STARD9: variants seen among roughly 807,000 people sequenced by gnomAD.
The protein encoded by STARD9 is StAR related lipid transfer domain containing 9, also known as stAR-related lipid transfer protein 9.
Under a neutral mutation model 399.8 loss-of-function variants are expected in STARD9, and 346 were observed. The observed-to-expected ratio is 0.87, with a 90% CI of 0.79 to 0.95. STARD9 has a LOEUF of 0.95. Ranked by LOEUF, STARD9 falls within the 40% of genes least tolerant of loss-of-function variation. The pLI, the probability that STARD9 is intolerant of heterozygous loss-of-function variation, is 0.00. For synonymous variants in STARD9, 2,203 were observed against 2,143.5 expected, an observed-to-expected ratio of 1.03 and a Z score of -0.77; for missense variants, 5,832 against 5,667.5, an observed-to-expected ratio of 1.03 and a Z score of -0.93.
At position 42,685,024 on chromosome 15, in the gene STARD9, A is replaced by T; in HGVS notation, c.3446A>T (p.Asp1149Val). Reference sequence around the variant, plus strand: ...AGTGATGACAGCCAACTATCTGAGGACTCACTGGCTGAGAAGAGGTACCAA... The same window carrying T: ...AGTGATGACAGCCAACTATCTGAGGTCTCACTGGCTGAGAAGAGGTACCAA... ...SESDDSQLSE[D>V]SLAEKRYQSP... The change falls in exon 23 of 33, where the codon GAC (aspartate) becomes GTC (valine). Residue 1149 changes from aspartate (D) to valine (V), a missense_variant. Asp to Val is a radical substitution (Grantham distance 152). Around this residue, in one of 2 missense-constraint regions of STARD9, gnomAD observed 5,828 missense variants for 5,651.1 expected, o/e 1.03. Coordinates refer to ENST00000290607, the MANE Select transcript of STARD9 (RefSeq NM_020759.3). 2.6e-6 allele frequency: 4 copies of T among 1,537,178 alleles called. No homozygotes were observed. The South Asian group carries it at 4.8e-5, about 18-fold the overall frequency.
At chr15:42,699,028 A>AC (rs979456681) in intron 26 of STARD9, among the ~76,000 whole-genome samples, 1 of 151,456 alleles carries the variant, frequency 6.6e-6, no homozygotes, top group African/African-American at 2.4e-5. Flanking sequence ...TTATTAAAAA[A>AC]AATTGTCTTA....
Position 42,684,767 on chromosome 15 carries a change from T to G in STARD9, c.3189T>G (p.Pro1063=). The G allele has an allele frequency of 3.9e-6, 6 of 1,537,256 alleles. No individual in the cohort carries two copies. The highest frequency in any genetic ancestry group is 5.2e-6 in the Non-Finnish European group (6 of 1,146,920). The change falls in exon 23 of 33, where the codon CCT becomes CCG. Residue 1063 remains proline, a synonymous_variant. Coordinates refer to ENST00000290607, the MANE Select transcript of STARD9 (RefSeq NM_020759.3). Reference sequence around the variant, plus strand: ...TTACCAAAAAGTCCTCTCACTTGCCTCTTGGCAGTCCTTTGAAGAGACAAC... The same window carrying G: ...TTACCAAAAAGTCCTCTCACTTGCCGCTTGGCAGTCCTTTGAAGAGACAAC... ...RNITKKSSHL[P]LGSPLKRQQN...
chr15:42,619,551 CAA>C (rs35639156), intron 3 of STARD9, among the ~76,000 whole-genome samples: 5 of 135,202 alleles, frequency 3.7e-5, no homozygotes, highest in African/African-American at 5.9e-5. Context: ...AAGACTGTCT[CAA>C]AAAAAAAAAA....
In STARD9 at chr15:42,575,635, T is replaced by G. The variant is rs958758274; in HGVS notation, c.-81T>G. On this transcript the variant is annotated 5_prime_UTR_variant, in exon 1 of 33. Coordinates refer to ENST00000290607, the MANE Select transcript of STARD9 (RefSeq NM_020759.3). ...GCGCGTGGGGCGGGCGGGGCTGGGT[T>G]GGGGCTGTGTCTGGGCTTAGGGCGG... The G allele has an allele frequency of 6.6e-5, 96 of 1,464,908 alleles. No individual in the cohort carries two copies. The South Asian group carries it at 1.1e-3, about 17-fold the overall frequency. The allele number at this position is 1,464,908 out of a possible 1,614,324, so 90.7% of individuals were successfully genotyped here.
chr15:42,711,624 G>GGGTC (rs2061226029), intron 26 of STARD9, among the ~76,000 whole-genome samples: 1 of 152,054 alleles, frequency 6.6e-6, no homozygotes, highest in Non-Finnish European at 1.5e-5. Flanking sequence ...CCACAACAAG[G>GGGTC]GGTCCTTCAT....
Position 42,581,288 on chromosome 15 carries a change from C to T in STARD9, c.48-2058C>T, listed in dbSNP as rs1386914536. Reference sequence around the variant, plus strand: ...GGCAGATGGCAGGTGGGGTCTGAGCCATGGAAGAACTGCGAAGATCCAACA... The same window carrying T: ...GGCAGATGGCAGGTGGGGTCTGAGCTATGGAAGAACTGCGAAGATCCAACA... On this transcript the variant is annotated intron_variant, in intron 1 of 32. Transcript: ENST00000290607. 22 of 1,080,560 alleles carry T rather than the reference C, an allele frequency of 2.0e-5. No individual in the cohort carries two copies. The Admixed American group carries it at 3.8e-4, about 19-fold the overall frequency. 66.9% of individuals were successfully genotyped at this position (1,080,560 alleles called of 1,614,324 possible). A position where few individuals can be genotyped will look rare whatever the true frequency, so the allele number is the denominator to read the frequency against.
At chr15:42,671,838 C>T (rs1472376424) in intron 16 of STARD9, 1 of 152,186 alleles carries the variant, frequency 6.6e-6, no homozygotes, top group Non-Finnish European at 1.5e-5. Context: ...GACGGGGATT[C>T]ACCATGTTGG....
At position 42,669,154 on chromosome 15, in the gene STARD9, G is replaced by A; in HGVS notation, c.1318-4G>A. The A allele has an allele frequency of 6.5e-7, 1 of 1,531,050 alleles. No homozygotes were observed. Among genetic ancestry groups the A allele is most frequent in the Non-Finnish European group, 8.8e-7 (1 of 1,141,768 alleles). The allele number at this position is 1,531,050 out of a possible 1,614,324, so 94.8% of individuals were successfully genotyped here. A position where few individuals can be genotyped will look rare whatever the true frequency, so the allele number is the denominator to read the frequency against. On this transcript the variant is annotated splice_region_variant and splice_polypyrimidine_tract_variant and intron_variant, in intron 15 of 32. Coordinates refer to ENST00000290607, the MANE Select transcript of STARD9 (RefSeq NM_020759.3). Reference sequence around the variant, plus strand: ...GTCTCAGATCACCTCCTATACCTCTGCAGATAGACCAGCTGACTAAAGACT... The same window carrying A: ...GTCTCAGATCACCTCCTATACCTCTACAGATAGACCAGCTGACTAAAGACT...
intron 3 of STARD9, among the ~76,000 whole-genome samples, chr15:42,589,076 A>T (rs1274535648): frequency 1.3e-5 from 2 of 152,050 alleles, no homozygotes; most frequent in African/African-American, 4.8e-5. Context: ...TGGCCTCCCA[A>T]AGTGCTGGGA....
At chr15:42,647,268 T>C (rs550103536) in intron 7 of STARD9, among the ~76,000 whole-genome samples, 148 of 152,356 alleles carry the variant, frequency 9.7e-4, no homozygotes, top group Non-Finnish European at 1.5e-3. Flanking sequence ...TTGATACTTG[T>C]TCAAATCTTC....
In STARD9 at chr15:42,690,147, C is replaced by T; in HGVS notation, c.8569C>T (p.Leu2857=). The change falls in exon 23 of 33, where the codon CTG becomes TTG. Residue 2857 remains leucine (L), a synonymous_variant. Coordinates refer to ENST00000290607, the MANE Select transcript of STARD9 (RefSeq NM_020759.3). ...GGCAAGTCCCAAACAAGATACCATT[C>T]TGCCTGGAGCTCTGACAAGGGTTGC... is the stretch of plus-strand genomic sequence containing the variant. ...GRASPKQDTI[L]PGALTRVALE... is the part of the protein sequence containing the mutation. 6.5e-7 allele frequency: 1 copy of T among 1,537,838 alleles called. No individual in the cohort carries two copies.
chr15:42,685,109 C>T lies in STARD9; in HGVS notation c.3531C>T (p.Thr1177=), dbSNP rs1191735530. 1 of 1,537,216 alleles carries T rather than the reference C, an allele frequency of 6.5e-7. No individual in the cohort carries two copies. Among genetic ancestry groups the T allele is most frequent in the South Asian group, 1.2e-5 (1 of 84,060 alleles). The change falls in exon 23 of 33, where the codon ACC becomes ACT. Residue 1177 remains threonine (T), a synonymous_variant. Coordinates refer to ENST00000290607, the MANE Select transcript of STARD9 (RefSeq NM_020759.3). Reference sequence around the variant, plus strand: ...CCAACAACCGTGGCCAACCCAGGACCAGAACTAGAGCTTCTGTGAGGGGCT... The same window carrying T: ...CCAACAACCGTGGCCAACCCAGGACTAGAACTAGAGCTTCTGTGAGGGGCT... ...RPTNNRGQPR[T]RTRASVRGFT...
intron 29 of STARD9, 70 bp from the exon 30 acceptor site, chr15:42,717,907 C>T (rs1455878286): frequency 2.7e-6 from 4 of 1,504,784 alleles, no homozygotes; most frequent in Non-Finnish European, 3.6e-6. Context: ...CACTCTGAGC[C>T]CCTCCTTTGT....
chr15:42,630,947 C>A (rs532807235), intron 3 of STARD9, among the ~76,000 whole-genome samples: 1 of 149,266 alleles, frequency 6.7e-6, no homozygotes, highest in Non-Finnish European at 1.5e-5. Context: ...TTCTTCTGCT[C>A]ATTTTGTGTT....
chr15:42,662,902 A>G lies in STARD9; in HGVS notation c.868+11A>G, dbSNP rs868636370. On this transcript the variant is annotated intron_variant, in intron 11 of 32. Transcript: ENST00000290607. ...TCATCTCCACCTTAGGTATTTTCTGATAGATAATGGGAGTGGGAGGGAGAG... is the reference window on the plus strand; with the variant it reads ...TCATCTCCACCTTAGGTATTTTCTGGTAGATAATGGGAGTGGGAGGGAGAG... The G allele has an allele frequency of 3.0e-5, 45 of 1,508,188 alleles. No individual in the cohort carries two copies. Among genetic ancestry groups the G allele is most frequent in the Non-Finnish European group, 3.7e-5 (42 of 1,120,464 alleles). 93.4% of individuals were successfully genotyped at this position (1,508,188 alleles called of 1,614,324 possible).
At position 42,720,153 on chromosome 15, in the gene STARD9, A is replaced by T. The variant is rs1052693364; in HGVS notation, c.*579A>T. 3.3e-5 allele frequency: 5 copies of T among 152,262 alleles called. No homozygotes were observed. Among genetic ancestry groups the T allele is most frequent in the African/African-American group, 1.2e-4 (5 of 41,424 alleles). 9.4% of individuals were successfully genotyped at this position (152,262 alleles called of 1,614,324 possible). A position where few individuals can be genotyped will look rare whatever the true frequency, so the allele number is the denominator to read the frequency against. On this transcript the variant is annotated 3_prime_UTR_variant, in exon 33 of 33. Transcript: ENST00000290607. ...GTTTTTGCAAAATACTTTATTATTG[A>T]TTTTTGCTTTTTTTCTCCCTTTCCC...
chr15:42,575,806 G>C (rs1240857919), intron 1 of STARD9, 44 bp downstream of exon 1: 1 of 1,529,840 alleles, frequency 6.5e-7, no homozygotes, highest in South Asian at 1.2e-5. Flanking sequence ...CACAGGAGCT[G>C]AAAAGAGCGG....
rs759239527 is a variant in STARD9 at position 42,689,343 on chromosome 15, A to G, written c.7765A>G (p.Arg2589Gly). 29 of 1,537,152 alleles carry G rather than the reference A, an allele frequency of 1.9e-5. No individual in the cohort carries two copies. The highest frequency in any genetic ancestry group is 3.6e-5 in the South Asian group (3 of 84,068). Residue 2589 changes from arginine to glycine, a missense_variant, in exon 23 of 33, where the codon AGG becomes GGG. By Grantham distance (125) the Arg-to-Gly change is moderately radical. This residue lies in a region of STARD9 where 5,828 missense variants were observed against 5,651.1 expected (regional missense o/e 1.03). Coordinates refer to ENST00000290607, the MANE Select transcript of STARD9 (RefSeq NM_020759.3). ...TTTACTAGAACCCGAATGTTCTTCA[A>G]GGGTTGCTGGCAGGCCTCAGTGTAA... Reference protein sequence around the residue: ...ETLLEPECSSRVAGRPQCKQI... With the variant: ...ETLLEPECSSGVAGRPQCKQI...
chr15:42,604,593 C>T (rs1444670052), intron 3 of STARD9, among the ~76,000 whole-genome samples: 1 of 130,628 alleles, frequency 7.7e-6, no homozygotes, highest in Admixed American at 7.8e-5. Flanking sequence ...AAATCTAGTT[C>T]ATAGTATGAT....
Sources: gnomAD v4.1 joint callset for allele counts (sites outside exome capture counted in the v4.1 genomes callset) on GRCh38, gnomAD v4.1.1 for gene constraint, gnomAD v4.1.1 regional missense constraint, MANE v1.5 for transcripts, NCBI Gene and HGNC (gene_info 2026-07-23, HGNC 2026-07-21) for gene names.